The following CFAP299 variants were observed in gnomAD, a reference collection of about 807,000 sequenced individuals.
The protein encoded by CFAP299 is cilia and flagella associated protein 299, also known as cilia- and flagella-associated protein 299.
A neutral mutation model predicts 27.0 loss-of-function variants in CFAP299; 21 were observed. The ratio of observed to expected loss-of-function variants is 0.78; its 90% CI spans 0.55 to 1.12. CFAP299 has a LOEUF of 1.12. CFAP299 is among the 50% of genes most tolerant of loss of function. The pLI is 0.00. For synonymous variants in CFAP299, 104 were observed against 98.1 expected (o/e 1.06, Z -0.36); for missense variants, 310 against 276.6 (o/e 1.12, Z -0.86).
chr4:80,842,005 G>A (rs1730887856), intron 3 of CFAP299, among the ~76,000 whole-genome samples: 1 of 152,094 alleles, frequency 6.6e-6, no homozygotes, highest in Non-Finnish European at 1.5e-5. Context: ...AAAAGAGACT[G>A]AATATCCCTT....
chr4:80,757,900 C>G (rs1725333988), intron 3 of CFAP299, among the ~76,000 whole-genome samples: 1 of 152,102 alleles, frequency 6.6e-6, no homozygotes, highest in Non-Finnish European at 1.5e-5. Context: ...CTGCTGTGTT[C>G]TACCCCTTGC....
chr4:80,638,351 A>C (rs1370595285), intron 3 of CFAP299, among the ~76,000 whole-genome samples: 1 of 152,216 alleles, frequency 6.6e-6, no homozygotes, highest in Non-Finnish European at 1.5e-5. Flanking sequence ...GATGCACTTT[A>C]TCGATATATG....
intron 3 of CFAP299, among the ~76,000 whole-genome samples, chr4:80,739,973 G>T (rs565959471): frequency 1.3e-5 from 2 of 151,840 alleles, no homozygotes; most frequent in African/African-American, 4.8e-5. Context: ...CATGTCATTT[G>T]CATTTTTAAA....
intron 3 of CFAP299, among the ~76,000 whole-genome samples, chr4:80,856,627 G>A (rs1228682904): frequency 6.6e-6 from 1 of 152,070 alleles, no homozygotes. Context: ...CATATGGCTA[G>A]CCAGTTTTCC....
chr4:80,861,616 A>G (rs1181282080), intron 3 of CFAP299, among the ~76,000 whole-genome samples: 1 of 152,218 alleles, frequency 6.6e-6, no homozygotes, highest in African/African-American at 2.4e-5. Flanking sequence ...AAGTAATGAA[A>G]GATACCCACT....
intron 3 of CFAP299, among the ~76,000 whole-genome samples, chr4:80,682,426 T>C (rs981875038): frequency 7.9e-5 from 12 of 152,300 alleles, no homozygotes; most frequent in African/African-American, 2.6e-4. Flanking sequence ...AACAACAGTC[T>C]TACGTGATTA....
chr4:80,761,813 T>C (rs771673252), intron 3 of CFAP299, among the ~76,000 whole-genome samples: 6 of 152,088 alleles, frequency 3.9e-5, no homozygotes, highest in Non-Finnish European at 8.8e-5. Context: ...TAAAATGGGA[T>C]TTTAATATTT....
intron 3 of CFAP299, among the ~76,000 whole-genome samples, chr4:80,605,299 T>C (rs1418978449): frequency 6.6e-6 from 1 of 152,202 alleles, no homozygotes; most frequent in Non-Finnish European, 1.5e-5. Context: ...AATGAACTTA[T>C]CTATGACTTT....
intron 3 of CFAP299, among the ~76,000 whole-genome samples, chr4:80,615,018 A>G (rs1407103513): frequency 1.3e-5 from 2 of 151,872 alleles, no homozygotes; most frequent in Admixed American, 1.3e-4. Flanking sequence ...ACCATGTGAT[A>G]TTATGGATTT....
At chr4:80,587,395 T>C (rs1736504152) in intron 3 of CFAP299, among the ~76,000 whole-genome samples, 1 of 152,014 alleles carries the variant, frequency 6.6e-6, no homozygotes, top group African/African-American at 2.4e-5. Context: ...AGAGCGAAGG[T>C]TATGGAGTCA....
intron 2 of CFAP299, among the ~76,000 whole-genome samples, chr4:80,558,933 C>T (rs186448130): frequency 9.2e-5 from 14 of 152,108 alleles, no homozygotes; most frequent in Middle Eastern, 3.4e-3. Flanking sequence ...ATAGCACTAA[C>T]GAGAAAAATC....
intron 3 of CFAP299, among the ~76,000 whole-genome samples, chr4:80,696,640 A>G (rs1322142603): frequency 6.6e-6 from 1 of 152,224 alleles, no homozygotes; most frequent in African/African-American, 2.4e-5. Flanking sequence ...CATGTGATAA[A>G]TGTAAAAGGG....
intron 5 of CFAP299, among the ~76,000 whole-genome samples, chr4:80,962,414 A>T (rs1252427094): frequency 2.0e-5 from 3 of 151,954 alleles, no homozygotes; most frequent in African/African-American, 7.2e-5. Flanking sequence ...CACTGGGCAC[A>T]ATTATTTTGC....
chr4:80,390,168 A>G (rs567327867), intron 2 of CFAP299, among the ~76,000 whole-genome samples: 1 of 152,168 alleles, frequency 6.6e-6, no homozygotes, highest in South Asian at 2.1e-4. Flanking sequence ...CATTTCAAGT[A>G]TACAATATGG....
chr4:80,618,710 A>C (rs138853608), intron 3 of CFAP299, among the ~76,000 whole-genome samples: 22 of 152,190 alleles, frequency 1.4e-4, no homozygotes, highest in African/African-American at 5.1e-4. Context: ...TATTTCCATG[A>C]CTTTTATTGC....
chr4:80,466,575 A>T (rs1024110194), intron 2 of CFAP299, among the ~76,000 whole-genome samples: 2 of 152,220 alleles, frequency 1.3e-5, no homozygotes, highest in African/African-American at 4.8e-5. Flanking sequence ...ACCAGCACTA[A>T]AACGATGGTA....
intron 3 of CFAP299, among the ~76,000 whole-genome samples, chr4:80,670,017 C>T (rs772800782): frequency 6.7e-6 from 1 of 149,796 alleles, no homozygotes; most frequent in Non-Finnish European, 1.5e-5. Context: ...ACTTTAAGTT[C>T]TAGGGTACTT....
chr4:80,959,636 C>G (rs1481962493), intron 5 of CFAP299, among the ~76,000 whole-genome samples: 1 of 151,954 alleles, frequency 6.6e-6, no homozygotes, highest in Non-Finnish European at 1.5e-5. Context: ...AAATTCTTCC[C>G]AAGGAATTCC....
At chr4:80,567,026 C>A (rs1338321259) in intron 2 of CFAP299, among the ~76,000 whole-genome samples, 5 of 150,900 alleles carry the variant, frequency 3.3e-5, no homozygotes, top group Non-Finnish European at 4.4e-5. Context: ...AAAAAAAAAA[C>A]AAAAAGAAAA....
Sources: gnomAD v4.1 joint callset for allele counts (sites outside exome capture counted in the v4.1 genomes callset) on GRCh38, gnomAD v4.1.1 for gene constraint, MANE v1.5 for transcripts, NCBI Gene and HGNC (gene_info 2026-07-23, HGNC 2026-07-21) for gene names.